ASNS: variants seen among roughly 807,000 people sequenced by gnomAD.
ASNS encodes asparagine synthetase (glutamine-hydrolyzing).
In ASNS, 37 loss-of-function variants were observed where a neutral mutation model predicts 62.6. The observed-to-expected ratio is 0.59, with a 90% CI of 0.45 to 0.78. ASNS has a LOEUF of 0.78. ASNS is among the 30% of genes least tolerant of loss of function. The pLI, the probability that ASNS is intolerant of heterozygous loss-of-function variation, is 0.00. For synonymous variants in ASNS, 207 were observed against 237.9 expected (o/e 0.87, Z 1.19); for missense variants, 520 against 682.4 (o/e 0.76, Z 2.65).
the ASNS span, among the ~76,000 whole-genome samples, chr7:97,909,286 C>G: frequency 6.9e-6 from 1 of 144,256 alleles, no homozygotes; most frequent in African/African-American, 2.6e-5. Context: ...CCAGTTTCCT[C>G]ACATACACTT....
At chr7:97,910,905 C>T in the ASNS span, among the ~76,000 whole-genome samples, 1 of 152,126 alleles carries the variant, frequency 6.6e-6, no homozygotes, top group African/African-American at 2.4e-5. Flanking sequence ...TAGCCTTAGA[C>T]TTTCAAGTAA....
In ASNS at chr7:97,868,953, C is replaced by T. The variant is rs759237768; in HGVS notation, c.204G>A (p.Pro68=). The T allele has an allele frequency of 1.2e-4, 196 of 1,614,104 alleles. No homozygotes were observed. The highest frequency in any genetic ancestry group is 1.4e-4 in the Non-Finnish European group (170 of 1,180,058). Residue 68 remains proline, a synonymous_variant, in exon 3 of 13, where the codon CCG becomes CCA. Transcript: ENST00000394308. ...GMQPIRVKKY[P]YLWLCYNGEI... ...CACCATTGTAACAGAGCCACAAATA[C>T]GGATATTTCTTCACTCGAATTGGCT... is the stretch of plus-strand genomic sequence containing the variant.
chr7:97,925,802 T>C, the ASNS span, among the ~76,000 whole-genome samples: 393 of 152,252 alleles, frequency 2.6e-3, 1 homozygote, highest in Non-Finnish European at 4.2e-3. Flanking sequence ...CAGAAATCTC[T>C]GCCGAGGTGC....
chr7:97,864,173 GCTCT>G, intron 4 of ASNS, 82 bp downstream of exon 4: 4 of 1,225,100 alleles, frequency 3.3e-6, no homozygotes, highest in Admixed American at 2.5e-5. Context: ...ATTCTGGATT[GCTCT>G]CTAAGAGATT....
At chr7:97,874,414 C>T (rs1334234321), upstream of ASNS, among the ~76,000 whole-genome samples, 3 of 152,106 alleles carry the variant, frequency 2.0e-5, no homozygotes, top group African/African-American at 4.8e-5. Context: ...GGTCCTGAGA[C>T]GATATACATC....
At chr7:97,881,185 G>A in the ASNS span, among the ~76,000 whole-genome samples, 1 of 152,130 alleles carries the variant, frequency 6.6e-6, no homozygotes, top group Non-Finnish European at 1.5e-5. Context: ...CAGGTGATCT[G>A]CCCACCTTGG....
At chr7:97,873,572 C>A (rs1363083136), upstream of ASNS, among the ~76,000 whole-genome samples, 1 of 152,168 alleles carries the variant, frequency 6.6e-6, no homozygotes, top group East Asian at 1.9e-4. Context: ...TCCTAATTGA[C>A]GTACTTTAAA....
the ASNS span, among the ~76,000 whole-genome samples, chr7:97,892,439 G>A: frequency 4.6e-5 from 7 of 152,274 alleles, no homozygotes; most frequent in South Asian, 8.3e-4. Flanking sequence ...CAGCCAGATC[G>A]AATTTTTCTT....
intron 4 of ASNS, among the ~76,000 whole-genome samples, chr7:97,860,669 C>CA (rs1320435124): frequency 6.6e-6 from 1 of 152,120 alleles, no homozygotes; most frequent in Non-Finnish European, 1.5e-5. Context: ...TAAAGAATGG[C>CA]AAAAAGAGGC....
chr7:97,913,949 G>A, the ASNS span, among the ~76,000 whole-genome samples: 1 of 151,460 alleles, frequency 6.6e-6, no homozygotes, highest in Non-Finnish European at 1.5e-5. Context: ...AGGGGGTGGA[G>A]GGATAGATAA....
intron 6 of ASNS, 55 bp from the exon 7 acceptor site, chr7:97,858,460 G>A (rs1173165796): frequency 6.3e-6 from 10 of 1,599,404 alleles, no homozygotes; most frequent in African/African-American, 1.3e-5. Flanking sequence ...GCATAAGACA[G>A]GGACAGAAGA....
At chr7:97,879,127 C>A in the ASNS span, among the ~76,000 whole-genome samples, 1 of 152,106 alleles carries the variant, frequency 6.6e-6, no homozygotes, top group Admixed American at 6.5e-5. Flanking sequence ...CTTCCTTACA[C>A]CTTATACAAA....
At chr7:97,909,294 C>CTTTT in the ASNS span, among the ~76,000 whole-genome samples, 3 of 72,620 alleles carry the variant, frequency 4.1e-5, no homozygotes, top group African/African-American at 1.1e-4. Context: ...CTCACATACA[C>CTTTT]TTTTTTTTTT....
chr7:97,889,850 T>G, the ASNS span, among the ~76,000 whole-genome samples: 1 of 123,738 alleles, frequency 8.1e-6, no homozygotes, highest in African/African-American at 3.1e-5. Context: ...AGAAAATCTA[T>G]GAAATGCCTG....
At chr7:97,889,926 A>C in the ASNS span, among the ~76,000 whole-genome samples, 2 of 124,394 alleles carry the variant, frequency 1.6e-5, no homozygotes, top group Non-Finnish European at 3.4e-5. Flanking sequence ...GATAATGAAT[A>C]CAAAAAAAAA....
At chr7:97,891,237 C>A in the ASNS span, among the ~76,000 whole-genome samples, 1 of 150,726 alleles carries the variant, frequency 6.6e-6, no homozygotes, top group Admixed American at 6.6e-5. Flanking sequence ...AAAACCATCA[C>A]ACCTTGTGAG....
chr7:97,927,235 T>C, the ASNS span, among the ~76,000 whole-genome samples: 1 of 152,170 alleles, frequency 6.6e-6, no homozygotes, highest in Non-Finnish European at 1.5e-5. Context: ...CCTTGTCTCT[T>C]GTGATGCACC....
chr7:97,879,253 A>G, the ASNS span, among the ~76,000 whole-genome samples: 1 of 152,336 alleles, frequency 6.6e-6, no homozygotes, highest in African/African-American at 2.4e-5. Flanking sequence ...CTTCATGTCT[A>G]AAACACCAAA....
At chr7:97,897,782 T>TA in the ASNS span, among the ~76,000 whole-genome samples, 37 of 152,342 alleles carry the variant, frequency 2.4e-4, no homozygotes, top group South Asian at 7.2e-3. Flanking sequence ...GATATCAGTG[T>TA]ATCAACGGGA....
Sources: gnomAD v4.1 joint callset for allele counts (sites outside exome capture counted in the v4.1 genomes callset) on GRCh38, gnomAD v4.1.1 for gene constraint, MANE v1.5 for transcripts, NCBI Gene and HGNC (gene_info 2026-07-23, HGNC 2026-07-21) for gene names.